The following P4HA3 variants were observed in gnomAD, a reference collection of about 807,000 sequenced individuals.
P4HA3 encodes prolyl 4-hydroxylase subunit alpha-3.
In P4HA3, 60 loss-of-function variants were observed where a neutral mutation model predicts 66.7. That is an observed-to-expected ratio of 0.90 (90% confidence interval 0.73 to 1.12). The LOEUF (loss-of-function observed/expected upper bound fraction) is 1.12. Among genes scored for constraint, P4HA3 ranks in the 50% most tolerant of loss-of-function variants. The pLI, the probability that P4HA3 is intolerant of heterozygous loss-of-function variation, is 0.00. For missense variants in P4HA3, 683 were observed against 685.8 expected (o/e 1.00, Z 0.05); for synonymous variants, 263 against 274.6 (o/e 0.96, Z 0.42).
chr11:74,275,790 A>T (rs1860373759), intron 9 of P4HA3, among the ~76,000 whole-genome samples: 1 of 152,202 alleles, frequency 6.6e-6, no homozygotes, highest in Admixed American at 6.5e-5. Context: ...CTCAAAAATC[A>T]CTACTGGGTA....
At chr11:74,276,868 C>G in intron 9 of P4HA3, 117 bp downstream of exon 9, 5 of 1,153,276 alleles carry the variant, frequency 4.3e-6, no homozygotes, top group Non-Finnish European at 5.9e-6. Flanking sequence ...GAAAAAGAAC[C>G]TTTGTTCTAA....
chr11:74,269,270 T>C (rs1219205232), intron 11 of P4HA3, among the ~76,000 whole-genome samples: 1 of 152,180 alleles, frequency 6.6e-6, no homozygotes. Context: ...CAAAGGGCTA[T>C]GAATTTCCCT....
chr11:74,307,122 G>C (rs1168203028), intron 1 of P4HA3, among the ~76,000 whole-genome samples: 1 of 152,164 alleles, frequency 6.6e-6, no homozygotes, highest in Non-Finnish European at 1.5e-5. Flanking sequence ...TGGATAGGAA[G>C]GAACTGGGAC....
chr11:74,268,385 A>C, intron 11 of P4HA3, 144 bp from the exon 12 acceptor site: 1 of 688,308 alleles, frequency 1.5e-6, no homozygotes, highest in Non-Finnish European at 2.5e-6. Context: ...AATGGCACAA[A>C]ATGGCATAAG....
intron 1 of P4HA3, among the ~76,000 whole-genome samples, chr11:74,305,412 A>G (rs932489877): frequency 2.0e-5 from 3 of 151,642 alleles, no homozygotes; most frequent in Non-Finnish European, 4.4e-5. Flanking sequence ...TGTAGATTTA[A>G]TTTTACCCAT....
At chr11:74,289,026 G>A (rs1860905748) in intron 5 of P4HA3, 53 bp downstream of exon 5, 10 of 1,319,930 alleles carry the variant, frequency 7.6e-6, no homozygotes, top group Non-Finnish European at 1.0e-5. Flanking sequence ...GAGCAGAAGG[G>A]AGTTCCCCGT....
chr11:74,302,253 A>G, intron 3 of P4HA3, 116 bp downstream of exon 3: 3 of 984,900 alleles, frequency 3.0e-6, no homozygotes, highest in Non-Finnish European at 4.5e-6. Flanking sequence ...TGGAAATGAT[A>G]TCAAATTTCC....
chr11:74,273,704 G>A (rs1860288155), intron 9 of P4HA3, 97 bp from the exon 10 acceptor site: 3 of 981,912 alleles, frequency 3.1e-6, no homozygotes, highest in East Asian at 2.9e-5. Context: ...TAAAATGGGG[G>A]CATCAAAGAT....
chr11:74,266,863 C>A lies in P4HA3; in HGVS notation c.*385G>T. 1.4e-6 allele frequency: 1 copy of A among 703,226 alleles called. No individual in the cohort carries two copies. The highest frequency in any genetic ancestry group is 3.0e-5 in the Admixed American group (1 of 33,058). The allele number at this position is 703,226 out of a possible 1,614,324, so 43.6% of individuals were successfully genotyped here. On this transcript the variant is annotated 3_prime_UTR_variant, in exon 13 of 13. Coordinates refer to ENST00000331597, the MANE Select transcript of P4HA3 (RefSeq NM_182904.5). ...CTGGGAGTCAGGCTAGCCCCTCCTG[C>A]AGGTGTCCTCATTGCCACTTCTTGG...
At chr11:74,283,728 A>G (rs1247240745) in intron 7 of P4HA3, among the ~76,000 whole-genome samples, 2 of 152,158 alleles carry the variant, frequency 1.3e-5, no homozygotes, top group African/African-American at 4.8e-5. Flanking sequence ...AGGCCCTTGC[A>G]CATACTGTTT....
At chr11:74,276,537 G>C (rs1216904126) in intron 9 of P4HA3, among the ~76,000 whole-genome samples, 1 of 152,110 alleles carries the variant, frequency 6.6e-6, no homozygotes, top group Non-Finnish European at 1.5e-5. Context: ...GGGCAACAGA[G>C]CAAGATGCTG....
intron 15 of P4HA3, among the ~76,000 whole-genome samples, chr11:74,252,816 C>T (rs1185764803): frequency 3.9e-5 from 6 of 152,132 alleles, no homozygotes; most frequent in African/African-American, 1.4e-4. Flanking sequence ...GGTAGCTCTT[C>T]ATCTGTTTAG....
intron 9 of P4HA3, 28 bp from the exon 10 acceptor site, chr11:74,273,635 A>C (rs1860284521): frequency 6.5e-7 from 1 of 1,531,488 alleles, no homozygotes; most frequent in Non-Finnish European, 8.7e-7. Context: ...AGAACATATT[A>C]TTTTATGCAG....
At chr11:74,285,716 G>A in intron 7 of P4HA3, 93 bp downstream of exon 7, 2 of 1,342,602 alleles carry the variant, frequency 1.5e-6, no homozygotes, top group Non-Finnish European at 2.0e-6. Context: ...TCTTTGAGGT[G>A]TCTAGTTGTT....
intron 14 of P4HA3, among the ~76,000 whole-genome samples, chr11:74,260,963 T>C (rs1457445178): frequency 6.6e-6 from 1 of 152,126 alleles, no homozygotes. Flanking sequence ...ACTGGGGACC[T>C]CCATGGCCAG....
intron 7 of P4HA3, among the ~76,000 whole-genome samples, chr11:74,281,823 A>G (rs907120021): frequency 5.9e-5 from 9 of 151,700 alleles, no homozygotes; most frequent in Non-Finnish European, 8.8e-5. Context: ...ATGTATACGT[A>G]TGTAACTAAC....
At chr11:74,261,238 T>C (rs1859901740) in intron 14 of P4HA3, among the ~76,000 whole-genome samples, 1 of 152,156 alleles carries the variant, frequency 6.6e-6, no homozygotes, top group Non-Finnish European at 1.5e-5. Context: ...TCTCTATCTC[T>C]CTCTGCCTGG....
At chr11:74,311,233 C>A in intron 1 of P4HA3, 179 bp downstream of exon 1, 1 of 728,902 alleles carries the variant, frequency 1.4e-6, no homozygotes, top group Non-Finnish European at 2.1e-6. Context: ...CACACTGGCC[C>A]TCAGAGCCAC....
Position 74,302,537 on chromosome 11 carries a change from A to G in P4HA3, c.399T>C (p.Leu133=), listed in dbSNP as rs199677298. ...GCATCAGGGCCCTTGCTGCTCCCTC[A>G]AGGTCCTCAAAGGCTGGAAGGTCTT... ...VEQDLPAFED[L]EGAARALMRL... Residue 133 remains leucine, a synonymous_variant, in exon 3 of 13, where the codon CTT becomes CTC. Transcript: ENST00000331597. The G allele has an allele frequency of 9.9e-6, 16 of 1,614,178 alleles. No homozygotes were observed. In the African/African-American group the frequency reaches 2.0e-4, roughly 20 times the overall value.
Sources: gnomAD v4.1 joint callset for allele counts (sites outside exome capture counted in the v4.1 genomes callset) on GRCh38, gnomAD v4.1.1 for gene constraint, MANE v1.5 for transcripts, NCBI Gene and HGNC (gene_info 2026-07-23, HGNC 2026-07-21) for gene names.